TBC1D19: variants seen among roughly 807,000 people sequenced by gnomAD.
TBC1D19 encodes the protein TBC1 domain family member 19, also known as TBC1 domain family, member 19.
Under a neutral mutation model 89.0 loss-of-function variants are expected in TBC1D19, and 60 were observed. The observed-to-expected ratio is 0.67, with a 90% CI of 0.55 to 0.84. The LOEUF is 0.84. Ranked by LOEUF, TBC1D19 falls within the 40% of genes least tolerant of loss-of-function variation. The probability of loss-of-function intolerance (pLI) is 0.00; values close to 1 mark genes in which losing one functional copy is unlikely to be tolerated. For synonymous variants in TBC1D19, 189 were observed against 199.7 expected (o/e 0.95, Z 0.45); for missense variants, 500 against 610.8 (o/e 0.82, Z 1.91).
intron 7 of TBC1D19, among the ~76,000 whole-genome samples, chr4:26,647,566 A>G (rs1560443195): frequency 6.6e-6 from 1 of 152,142 alleles, no homozygotes; most frequent in Non-Finnish European, 1.5e-5. Context: ...GCAATTCAGA[A>G]TAAGCCACTC....
At chr4:26,675,682 C>T (rs891613011) in intron 11 of TBC1D19, among the ~76,000 whole-genome samples, 6 of 152,006 alleles carry the variant, frequency 3.9e-5, no homozygotes, top group Non-Finnish European at 1.5e-5. Flanking sequence ...ATTAGGAATA[C>T]CTTATTAGAA....
intron 4 of TBC1D19, among the ~76,000 whole-genome samples, chr4:26,624,237 A>G (rs1464355409): frequency 6.6e-6 from 1 of 152,184 alleles, no homozygotes; most frequent in Non-Finnish European, 1.5e-5. Context: ...TGTGAGGGTC[A>G]GCTCAGATGG....
intron 15 of TBC1D19, among the ~76,000 whole-genome samples, chr4:26,724,461 T>G (rs907154558): frequency 6.6e-6 from 1 of 152,186 alleles, no homozygotes; most frequent in African/African-American, 2.4e-5. Context: ...TTGTGGGTTC[T>G]AGGTGTTGTT....
At chr4:26,830,650 C>T in the TBC1D19 span, among the ~76,000 whole-genome samples, 1 of 152,126 alleles carries the variant, frequency 6.6e-6, no homozygotes, top group East Asian at 1.9e-4. Flanking sequence ...CCTATGATTA[C>T]AAAGAACCAG....
At chr4:26,590,794 C>CTTTTTT (rs1739720844) in intron 1 of TBC1D19, among the ~76,000 whole-genome samples, 4 of 31,758 alleles carry the variant, frequency 1.3e-4, no homozygotes, top group Non-Finnish European at 1.8e-4. Flanking sequence ...TCTTGCAGGT[C>CTTTTTT]TGTTTTTTTT....
chr4:26,590,278 G>A (rs1175196712), intron 1 of TBC1D19, among the ~76,000 whole-genome samples: 1 of 152,122 alleles, frequency 6.6e-6, no homozygotes, highest in African/African-American at 2.4e-5. Flanking sequence ...ATATTGTACT[G>A]TTTTTCTTAT....
chr4:26,730,067 T>C (rs1717560672), intron 15 of TBC1D19, among the ~76,000 whole-genome samples: 1 of 152,032 alleles, frequency 6.6e-6, no homozygotes, highest in African/African-American at 2.4e-5. Flanking sequence ...GGATACCAAT[T>C]AGGAGGCTCT....
At chr4:26,658,925 C>T (rs1745049207) in intron 7 of TBC1D19, among the ~76,000 whole-genome samples, 1 of 152,114 alleles carries the variant, frequency 6.6e-6, no homozygotes, top group African/African-American at 2.4e-5. Context: ...GATTTTTGAA[C>T]ATTGATTTTG....
chr4:26,735,045 C>CACATGTATATATGTATATATGTAT (rs1717935773), intron 15 of TBC1D19, among the ~76,000 whole-genome samples: 1 of 91,140 alleles, frequency 1.1e-5, no homozygotes, highest in Non-Finnish European at 2.5e-5. Context: ...TATATGTGTA[C>CACATGTATATATGTATATATGTAT]ACACATGTAT....
At chr4:26,759,263 C>T (rs1403339590), downstream of TBC1D19, among the ~76,000 whole-genome samples, 1 of 152,062 alleles carries the variant, frequency 6.6e-6, no homozygotes, top group Admixed American at 6.6e-5. Flanking sequence ...TTGTGTTTGC[C>T]CCATAATAGA....
At chr4:26,692,255 A>G (rs1381883516) in intron 13 of TBC1D19, among the ~76,000 whole-genome samples, 2 of 152,170 alleles carry the variant, frequency 1.3e-5, no homozygotes, top group Non-Finnish European at 2.9e-5. Context: ...CCTCCATTGC[A>G]GATGCTAAAT....
chr4:26,825,974 G>A, the TBC1D19 span, among the ~76,000 whole-genome samples: 1 of 152,174 alleles, frequency 6.6e-6, no homozygotes, highest in Non-Finnish European at 1.5e-5. Flanking sequence ...GGCTTAGGCG[G>A]GCGAATCATT....
intron 13 of TBC1D19, among the ~76,000 whole-genome samples, chr4:26,700,218 A>C (rs150992556): frequency 1.9e-3 from 295 of 152,068 alleles, no homozygotes; most frequent in African/African-American, 6.7e-3. Flanking sequence ...AAATGTCTCA[A>C]ATTTGATGAA....
chr4:26,840,347 C>G, the TBC1D19 span, among the ~76,000 whole-genome samples: 127,054 of 152,142 alleles, frequency 0.84, 53,291 homozygotes, highest in Middle Eastern at 0.97. Flanking sequence ...CTCCCAAAGT[C>G]CTGGGATTAC....
At chr4:26,774,521 C>T in the TBC1D19 span, among the ~76,000 whole-genome samples, 1 of 152,186 alleles carries the variant, frequency 6.6e-6, no homozygotes, top group Non-Finnish European at 1.5e-5. Context: ...TGGTCTTGAA[C>T]ATCTCTTGTC....
At chr4:26,679,304 C>G (rs1346534196) in intron 11 of TBC1D19, among the ~76,000 whole-genome samples, 2 of 152,118 alleles carry the variant, frequency 1.3e-5, no homozygotes, top group Non-Finnish European at 2.9e-5. Flanking sequence ...TGCTTCAGCT[C>G]CAGCCATGAC....
At chr4:26,622,100 G>C (rs556495153) in intron 4 of TBC1D19, among the ~76,000 whole-genome samples, 5 of 152,006 alleles carry the variant, frequency 3.3e-5, no homozygotes, top group African/African-American at 7.3e-5. Flanking sequence ...GTTGTGGGGT[G>C]GGGGGAGAGG....
chr4:26,716,300 CA>C (rs1716600466), intron 13 of TBC1D19, among the ~76,000 whole-genome samples: 1 of 151,918 alleles, frequency 6.6e-6, no homozygotes, highest in Non-Finnish European at 1.5e-5. Context: ...CAGAATGGAA[CA>C]GGGGGGATAA....
At chr4:26,733,032 A>C (rs1387573491) in intron 15 of TBC1D19, among the ~76,000 whole-genome samples, 1 of 152,186 alleles carries the variant, frequency 6.6e-6, no homozygotes, top group Non-Finnish European at 1.5e-5. Context: ...GAAAATTGAT[A>C]CACAACATAA....
Sources: allele counts gnomAD v4.1 joint callset (sites outside exome capture counted in the v4.1 genomes callset), GRCh38; gene constraint gnomAD v4.1.1; transcripts MANE v1.5; gene names NCBI Gene and HGNC (gene_info 2026-07-23, HGNC 2026-07-21).